The following EIF1AX variants were observed in gnomAD, a reference collection of about 807,000 sequenced individuals.
The protein encoded by EIF1AX is eukaryotic translation initiation factor 1A, X-chromosomal.
EIF1AX carries 1 observed loss-of-function variant against 16.1 expected under a neutral mutation model. That is an observed-to-expected ratio of 0.06 (90% CI 0.02 to 0.30). The LOEUF is 0.30. Ranked by LOEUF, EIF1AX falls within the 10% of genes least tolerant of loss-of-function variation. The pLI, the probability that EIF1AX is intolerant of heterozygous loss-of-function variation, is 1.00. For synonymous variants in EIF1AX, 32 were observed against 37.3 expected (o/e 0.86, Z 0.51); for missense variants, 11 against 109.1 (o/e 0.10, Z 4.00).
Position 20,127,831 on chromosome X carries a change from A to G in EIF1AX, c.*475T>C. ...CAGGCTACTTAAATATGACAAACAG[A>G]CTTATTTTTTTTCTTCAACTGCAGA... On this transcript the variant is annotated 3_prime_UTR_variant, in exon 7 of 7. Transcript: ENST00000379607. 1 of 148,672 alleles carries G rather than the reference A, an allele frequency of 6.7e-6. No individual in the cohort carries two copies. The highest frequency in any genetic ancestry group is 9.0e-5 in the East Asian group (1 of 11,084). 12.3% of individuals were successfully genotyped at this position (148,672 alleles called of 1,213,427 possible).
chrX:20,127,862 GC>G lies in EIF1AX; in HGVS notation c.*443del, dbSNP rs2066990056. On this transcript the variant is annotated 3_prime_UTR_variant, in exon 7 of 7. Coordinates refer to ENST00000379607, the MANE Select transcript of EIF1AX (RefSeq NM_001412.4). Reference sequence around the variant, plus strand: ...TTTTTTTCTTCAACTGCAGACTTCTGCCTCCCTCAAATTGTATCAAAATCTC... The same window carrying G: ...TTTTTTTCTTCAACTGCAGACTTCTGCTCCCTCAAATTGTATCAAAATCTC... The G allele has an allele frequency of 7.1e-6, 1 of 140,104 alleles. No homozygotes were observed. Among genetic ancestry groups the G allele is most frequent in the African/African-American group, 5.4e-5 (1 of 18,614 alleles). The allele number at this position is 140,104 out of a possible 1,213,427, so 11.5% of individuals were successfully genotyped here.
chrX:20,136,307 C>A (rs1174998869), intron 2 of EIF1AX: 1 of 367,251 alleles, frequency 2.7e-6, no homozygotes, highest in Non-Finnish European at 5.3e-6. Flanking sequence ...AGTTCTGCTT[C>A]TCAGAACTGT....
chrX:20,132,959 A>T (rs994897316), intron 4 of EIF1AX, among the ~76,000 whole-genome samples: 2 of 111,968 alleles, frequency 1.8e-5, no homozygotes, highest in Admixed American at 1.9e-4. Flanking sequence ...TTAAAATGTA[A>T]AGTGTATAGA....
In EIF1AX at chrX:20,141,694, C is replaced by T; in HGVS notation, c.-54G>A. 3 of 1,122,249 alleles carry T rather than the reference C, an allele frequency of 2.7e-6. No individual in the cohort carries two copies. Among genetic ancestry groups the T allele is most frequent in the East Asian group, 3.4e-5 (1 of 29,021 alleles). 92.5% of individuals were successfully genotyped at this position (1,122,249 alleles called of 1,213,427 possible). A position where few individuals can be genotyped will look rare whatever the true frequency, so the allele number is the denominator to read the frequency against. The stretch of plus-strand genomic sequence containing the variant: ...TGACTTCTTTCCGGGTAGCGGCGAC[C>T]GCGGCGGCTGCTGCTCCGAGGGGCG... On this transcript the variant is annotated 5_prime_UTR_variant, in exon 1 of 7. Transcript: ENST00000379607.
At chrX:20,138,329 C>T (rs2067024195) in intron 2 of EIF1AX, among the ~76,000 whole-genome samples, 1 of 109,972 alleles carries the variant, frequency 9.1e-6, no homozygotes, top group African/African-American at 3.3e-5. Context: ...ATTAGCCAGA[C>T]GTGGTGGTGT....
chrX:20,135,206 G>A (rs1298178416), intron 3 of EIF1AX, among the ~76,000 whole-genome samples: 1 of 109,000 alleles, frequency 9.2e-6, no homozygotes, highest in Admixed American at 9.9e-5. Context: ...CAGCATTTTG[G>A]GAGGCCAAGG....
chrX:20,131,594 C>T (rs1449168295), intron 5 of EIF1AX, among the ~76,000 whole-genome samples: 1 of 110,431 alleles, frequency 9.1e-6, no homozygotes, highest in Non-Finnish European at 1.9e-5. Flanking sequence ...CACTGCACTC[C>T]AGCCTGGGCA....
chrX:20,126,320 T>A lies in EIF1AX; in HGVS notation c.*1986A>T, dbSNP rs2066985175. On this transcript the variant is annotated 3_prime_UTR_variant, in exon 7 of 7. Coordinates refer to ENST00000379607, the MANE Select transcript of EIF1AX (RefSeq NM_001412.4). ...CCTCCAAGTAGTATTGCATATAAGCTACAACTTTACCCCAACTATTTTAAT... is the reference window on the plus strand; with the variant it reads ...CCTCCAAGTAGTATTGCATATAAGCAACAACTTTACCCCAACTATTTTAAT... 1 of 127,851 alleles carries A rather than the reference T, an allele frequency of 7.8e-6. No homozygotes were observed. Among genetic ancestry groups the A allele is most frequent in the Admixed American group, 9.7e-5 (1 of 10,286 alleles). The allele number at this position is 127,851 out of a possible 1,213,427, so 10.5% of individuals were successfully genotyped here.
In EIF1AX at chrX:20,126,767, GA is replaced by G. The variant is rs1449315005; in HGVS notation, c.*1538del. On this transcript the variant is annotated 3_prime_UTR_variant, in exon 7 of 7. Transcript: ENST00000379607. The stretch of plus-strand genomic sequence containing the variant: ...CCTAGATGTGTTCACGAACTCCATA[GA>G]ATAAGAAATATAAACCATGAATACG... 7.1e-6 allele frequency: 1 copy of G among 141,017 alleles called. No individual in the cohort carries two copies. The highest frequency in any genetic ancestry group is 3.1e-5 in the African/African-American group (1 of 31,892). 11.6% of individuals were successfully genotyped at this position (141,017 alleles called of 1,213,427 possible). A position where few individuals can be genotyped will look rare whatever the true frequency, so the allele number is the denominator to read the frequency against.
intron 6 of EIF1AX, 39 bp downstream of exon 6, chrX:20,130,477 A>G (rs749053499): frequency 1.7e-6 from 2 of 1,152,229 alleles, no homozygotes; most frequent in Non-Finnish European, 2.3e-6. Flanking sequence ...CTCCATGGAT[A>G]ATAACAAAAA....
At position 20,126,168 on chromosome X, in the gene EIF1AX, T is replaced by G. The variant is rs2066984632; in HGVS notation, c.*2138A>C. On this transcript the variant is annotated 3_prime_UTR_variant, in exon 7 of 7. Transcript: ENST00000379607. ...CTGTGCATAGCTTATAGCACTGTAT[T>G]ATAGGAATCAGAGTGTATAAGCAAA... The G allele has an allele frequency of 7.3e-6, 1 of 136,081 alleles. No homozygotes were observed. The highest frequency in any genetic ancestry group is 3.2e-5 in the African/African-American group (1 of 31,224). The allele number at this position is 136,081 out of a possible 1,213,427, so 11.2% of individuals were successfully genotyped here.
chrX:20,141,299 T>G (rs1290061703), intron 1 of EIF1AX, among the ~76,000 whole-genome samples: 1 of 111,659 alleles, frequency 9.0e-6, no homozygotes, highest in African/African-American at 3.3e-5. Context: ...CTACTAAACC[T>G]AGGCCGCCCC....
At chrX:20,138,841 G>A (rs777058573) in intron 1 of EIF1AX, among the ~76,000 whole-genome samples, 61 of 111,067 alleles carry the variant, frequency 5.5e-4, no homozygotes, top group African/African-American at 1.8e-3. Flanking sequence ...TTTCCTTTGG[G>A]GATTTTTCTG....
intron 3 of EIF1AX, among the ~76,000 whole-genome samples, chrX:20,134,743 A>C (rs1416043891): frequency 9.0e-6 from 1 of 111,656 alleles, no homozygotes; most frequent in Non-Finnish European, 1.9e-5. Context: ...GTCTCAAAAA[A>C]AAAAGAAAGA....
At chrX:20,129,996 G>T (rs900585670) in intron 6 of EIF1AX, among the ~76,000 whole-genome samples, 7 of 111,475 alleles carry the variant, frequency 6.3e-5, no homozygotes, top group African/African-American at 2.0e-4. Flanking sequence ...AAATTGAAGA[G>T]GGTTATAAGA....
rs950042858 is a variant in EIF1AX, at chrX:20,133,348, C to T, written c.255+609G>A. 3.6e-5 allele frequency among the ~76,000 whole-genome samples: 4 copies of T among 110,967 alleles called. No individual in the cohort carries two copies. The Admixed American group carries it at 3.8e-4, about 11-fold the overall frequency. ...CTCTATTATGGGATGCTGTCCTGTG[C>T]CCACCCCAGCCTCTATCTACTACAT... is the stretch of plus-strand genomic sequence containing the variant. On this transcript the variant is annotated intron_variant, in intron 4 of 6. Coordinates refer to ENST00000379607, the MANE Select transcript of EIF1AX (RefSeq NM_001412.4).
At chrX:20,134,848 C>G (rs1312258156) in intron 3 of EIF1AX, among the ~76,000 whole-genome samples, 4 of 112,088 alleles carry the variant, frequency 3.6e-5, no homozygotes, top group Non-Finnish European at 7.5e-5. Flanking sequence ...TTTAGTCAAC[C>G]TGATTAATAA....
intron 1 of EIF1AX, 109 bp from the exon 2 acceptor site, chrX:20,138,731 T>A: frequency 1.9e-6 from 1 of 536,646 alleles, no homozygotes; most frequent in Non-Finnish European, 3.0e-6. Flanking sequence ...AAAGATCACT[T>A]AAATTAAAAA....
intron 1 of EIF1AX, chrX:20,140,357 T>C (rs932108087): frequency 5.3e-5 from 6 of 112,197 alleles, no homozygotes; most frequent in East Asian, 5.5e-4. Flanking sequence ...GGTGGAAGAA[T>C]TGGAAATCTT....
Sources: allele counts gnomAD v4.1 joint callset (sites outside exome capture counted in the v4.1 genomes callset), GRCh38; gene constraint gnomAD v4.1.1; transcripts MANE v1.5; gene names NCBI Gene and HGNC (gene_info 2026-07-23, HGNC 2026-07-21).